The following CFAP47 variants were observed in gnomAD, a reference collection of about 807,000 sequenced individuals.
The protein encoded by CFAP47 is cilia and flagella associated protein 47, also known as cilia- and flagella-associated protein 47.
CFAP47 carries 29 observed loss-of-function variants against 148.1 expected under a neutral mutation model. The observed-to-expected ratio is 0.20, with a 90% confidence interval of 0.15 to 0.27. The LOEUF is 0.27. Among genes scored for constraint, CFAP47 ranks in the 10% least tolerant of loss-of-function variants. The probability of loss-of-function intolerance (pLI) is 1.00; values close to 1 mark genes in which losing one functional copy is unlikely to be tolerated. For synonymous variants in CFAP47, 664 were observed against 577.3 expected, an observed-to-expected ratio of 1.15 and a Z score of -2.15; for missense variants, 1,872 against 1,697.5, an observed-to-expected ratio of 1.10 and a Z score of -1.81.
intron 49 of CFAP47, among the ~76,000 whole-genome samples, chrX:36,264,208 C>T (rs1253898706): frequency 3.6e-5 from 4 of 111,691 alleles, no homozygotes; most frequent in African/African-American, 9.8e-5. Context: ...TCTGGAGCTA[C>T]GAGCCTTGCA....
At chrX:36,172,412 T>G (rs1366181698) in intron 39 of CFAP47, among the ~76,000 whole-genome samples, 1 of 107,614 alleles carries the variant, frequency 9.3e-6, no homozygotes, top group African/African-American at 3.4e-5. Context: ...TTTTGCCCAT[T>G]CAGTATGATA....
chrX:36,347,910 C>T (rs1304812657), intron 57 of CFAP47, among the ~76,000 whole-genome samples: 1 of 111,264 alleles, frequency 9.0e-6, no homozygotes, highest in South Asian at 3.8e-4. Context: ...GCACATGTAA[C>T]CCAGAACTTA....
At chrX:35,958,002 C>T (rs1293077039) in intron 8 of CFAP47, among the ~76,000 whole-genome samples, 1 of 111,516 alleles carries the variant, frequency 9.0e-6, no homozygotes, top group Admixed American at 9.6e-5. Context: ...TCTCTTCACC[C>T]CAAAAAGAAA....
intron 26 of CFAP47, among the ~76,000 whole-genome samples, chrX:36,059,580 T>C (rs1937578685): frequency 8.9e-6 from 1 of 112,281 alleles, no homozygotes; most frequent in East Asian, 2.8e-4. Context: ...CTCTTTGAGG[T>C]AAAGACACAG....
intron 33 of CFAP47, among the ~76,000 whole-genome samples, chrX:36,122,395 G>T (rs894271566): frequency 9.0e-6 from 1 of 111,029 alleles, no homozygotes; most frequent in African/African-American, 3.3e-5. Flanking sequence ...CTTTATACCC[G>T]TATCTCTTTC....
chrX:36,233,804 G>T (rs782146331), intron 46 of CFAP47, among the ~76,000 whole-genome samples: 3 of 110,614 alleles, frequency 2.7e-5, no homozygotes, highest in African/African-American at 9.9e-5. Context: ...TTTTAGGGCA[G>T]GCCTGGTGGT....
intron 48 of CFAP47, among the ~76,000 whole-genome samples, chrX:36,238,137 G>A (rs950969421): frequency 9.1e-6 from 1 of 110,357 alleles, no homozygotes; most frequent in African/African-American, 3.3e-5. Flanking sequence ...ATCTTGAATT[G>A]TAGCTCCCAT....
chrX:36,005,230 T>A (rs1037857381), intron 21 of CFAP47, among the ~76,000 whole-genome samples: 2 of 111,421 alleles, frequency 1.8e-5, no homozygotes, highest in African/African-American at 6.5e-5. Flanking sequence ...CATTTTTTTC[T>A]GTTTGATTTG....
intron 1 of CFAP47, among the ~76,000 whole-genome samples, chrX:35,924,565 A>T (rs1210261727): frequency 3.8e-5 from 4 of 105,658 alleles, no homozygotes; most frequent in Non-Finnish European, 7.8e-5. Context: ...ATATGCGCAT[A>T]TATGTGTATA....
In CFAP47 at chrX:36,367,147, T is replaced by C; in HGVS notation, c.9185+20T>C. ...GACAAGGTAATATATTAAACAAAAG[T>C]ATGTAGCTGTTTTAGTGAATATGCT... On this transcript the variant is annotated intron_variant, in intron 62 of 63. Transcript: ENST00000378653. 9.5e-7 allele frequency: 1 copy of C among 1,053,328 alleles called. No homozygotes were observed. The highest frequency in any genetic ancestry group is 1.3e-6 in the Non-Finnish European group (1 of 789,758). The allele number at this position is 1,053,328 out of a possible 1,213,427, so 86.8% of individuals were successfully genotyped here.
intron 39 of CFAP47, among the ~76,000 whole-genome samples, chrX:36,163,001 A>G (rs989760126): frequency 8.9e-6 from 1 of 112,024 alleles, no homozygotes. Flanking sequence ...TGAATGTTTG[A>G]TATAATTCAC....
At chrX:36,177,035 A>C (rs1313866422) in intron 39 of CFAP47, among the ~76,000 whole-genome samples, 4 of 112,717 alleles carry the variant, frequency 3.5e-5, no homozygotes, top group Non-Finnish European at 7.5e-5. Context: ...AACTTTGGAA[A>C]TCTGCATTTT....
intron 21 of CFAP47, among the ~76,000 whole-genome samples, chrX:36,004,896 AATT>A (rs769656274): frequency 8.9e-6 from 1 of 111,760 alleles, no homozygotes; most frequent in Non-Finnish European, 1.9e-5. Flanking sequence ...ACTGTAAAAA[AATT>A]ATTAATGTAA....
chrX:36,194,916 G>A (rs1209841263), intron 42 of CFAP47, among the ~76,000 whole-genome samples: 5 of 112,124 alleles, frequency 4.5e-5, no homozygotes, highest in Admixed American at 9.5e-5. Context: ...GCATAGGGCT[G>A]GCCTATCTCA....
chrX:36,218,416 C>T (rs893666282), intron 45 of CFAP47, among the ~76,000 whole-genome samples: 40 of 111,675 alleles, frequency 3.6e-4, no homozygotes, highest in Admixed American at 9.6e-4. Flanking sequence ...TACAGAAATC[C>T]GAAAATTCAA....
chrX:36,187,609 G>A (rs1417321878), intron 40 of CFAP47, among the ~76,000 whole-genome samples: 10 of 111,514 alleles, frequency 9.0e-5, no homozygotes, highest in Non-Finnish European at 1.5e-4. Context: ...TATAGCAGTG[G>A]TAAAATGTTT....
intron 49 of CFAP47, among the ~76,000 whole-genome samples, chrX:36,268,159 GCCT>G (rs1940917068): frequency 8.8e-6 from 1 of 113,357 alleles, no homozygotes; most frequent in African/African-American, 3.2e-5. Context: ...TGCTAGCCTG[GCCT>G]TGGCCTCCAG....
intron 49 of CFAP47, among the ~76,000 whole-genome samples, chrX:36,280,164 A>G (rs1298380662): frequency 9.0e-6 from 1 of 111,356 alleles, no homozygotes; most frequent in Non-Finnish European, 1.9e-5. Context: ...GAAAATAAGA[A>G]CAGTTACCCA....
rs779874175 is a variant in CFAP47, at chrX:36,017,890, AT to A, written c.3556+2981del. Among the ~76,000 whole-genome samples the A allele has an allele frequency of 9.9e-5, 11 of 111,277 alleles. No individual in the cohort carries two copies. In the East Asian group the frequency reaches 3.1e-3, roughly 32 times the overall value. ...TATAAATTTTAGGATTGATTTTTCAATTTCTGTGAAGAATGTCATTGGTATT... is the reference window on the plus strand; with the variant it reads ...TATAAATTTTAGGATTGATTTTTCAATTCTGTGAAGAATGTCATTGGTATT... On this transcript the variant is annotated intron_variant, in intron 22 of 63. Coordinates refer to ENST00000378653, the MANE Select transcript of CFAP47 (RefSeq NM_001304548.2).
Sources: allele counts gnomAD v4.1 joint callset (sites outside exome capture counted in the v4.1 genomes callset), GRCh38; gene constraint gnomAD v4.1.1; transcripts MANE v1.5; gene names NCBI Gene and HGNC (gene_info 2026-07-23, HGNC 2026-07-21).